The following CCSER1 variants were observed in gnomAD, a reference collection of about 807,000 sequenced individuals.
CCSER1 encodes the protein coiled-coil serine rich protein 1.
A neutral mutation model predicts 82.0 loss-of-function variants in CCSER1; 41 were observed. That is an observed-to-expected ratio of 0.50 (90% CI 0.39 to 0.65). The LOEUF (loss-of-function observed/expected upper bound fraction) is 0.65. Ranked by LOEUF, CCSER1 falls within the 30% of genes least tolerant of loss-of-function variation. The pLI is 0.00. For missense variants in CCSER1, 1,119 were observed against 1,064.2 expected, an observed-to-expected ratio of 1.05 and a Z score of -0.72; for synonymous variants, 414 against 383.9, an observed-to-expected ratio of 1.08 and a Z score of -0.92.
intron 10 of CCSER1, among the ~76,000 whole-genome samples, chr4:91,556,366 A>G (rs917173011): frequency 4.0e-5 from 6 of 150,968 alleles, no homozygotes; most frequent in African/African-American, 1.5e-4. Context: ...TTATTAATAA[A>G]CTTAAAGAAC....
At chr4:91,266,911 G>GT (rs1469623497) in intron 10 of CCSER1, among the ~76,000 whole-genome samples, 1 of 151,904 alleles carries the variant, frequency 6.6e-6, no homozygotes, top group Non-Finnish European at 1.5e-5. Context: ...TCAGTTTCAC[G>GT]TTTTTTTCCT....
intron 10 of CCSER1, among the ~76,000 whole-genome samples, chr4:91,215,519 C>T (rs907955488): frequency 1.3e-5 from 2 of 152,104 alleles, no homozygotes; most frequent in African/African-American, 4.8e-5. Flanking sequence ...AACTTGGAGT[C>T]CCATGTTCAA....
chr4:90,334,711 A>G (rs1740034938), intron 3 of CCSER1, among the ~76,000 whole-genome samples: 1 of 152,170 alleles, frequency 6.6e-6, no homozygotes, highest in African/African-American at 2.4e-5. Context: ...TATCAATTAA[A>G]TCTATTAGGG....
chr4:91,275,387 A>C (rs1742352929), intron 10 of CCSER1, among the ~76,000 whole-genome samples: 1 of 151,326 alleles, frequency 6.6e-6, no homozygotes, highest in Admixed American at 6.6e-5. Context: ...ATGATATTTC[A>C]ATTTGTTTTT....
intron 10 of CCSER1, among the ~76,000 whole-genome samples, chr4:91,154,300 C>A (rs1730575790): frequency 6.6e-6 from 1 of 152,026 alleles, no homozygotes; most frequent in Non-Finnish European, 1.5e-5. Flanking sequence ...GGGTGTGGGA[C>A]CCTCTGAGCC....
intron 1 of CCSER1, among the ~76,000 whole-genome samples, chr4:90,147,542 A>G (rs1726044540): frequency 6.6e-6 from 1 of 152,178 alleles, no homozygotes; most frequent in Non-Finnish European, 1.5e-5. Flanking sequence ...TAATTTGAAA[A>G]GATAATTTTG....
chr4:90,269,846 A>G (rs1171497874), intron 1 of CCSER1, among the ~76,000 whole-genome samples: 2 of 152,054 alleles, frequency 1.3e-5, no homozygotes, highest in Non-Finnish European at 2.9e-5. Context: ...GGGACATTAC[A>G]ATTGATACCG....
chr4:91,168,106 C>T (rs1215665261), intron 10 of CCSER1, among the ~76,000 whole-genome samples: 18 of 149,368 alleles, frequency 1.2e-4, no homozygotes, highest in South Asian at 2.1e-4. Flanking sequence ...CCAGCCCCCC[C>T]GTCTGGGAGG....
At chr4:90,985,434 C>CTG (rs1179597056) in intron 9 of CCSER1, among the ~76,000 whole-genome samples, 1 of 151,376 alleles carries the variant, frequency 6.6e-6, no homozygotes, top group Non-Finnish European at 1.5e-5. Flanking sequence ...GAAAACAAAA[C>CTG]TGTAAAGGGC....
At chr4:90,802,024 C>T (rs545805347) in intron 7 of CCSER1, among the ~76,000 whole-genome samples, 2 of 151,906 alleles carry the variant, frequency 1.3e-5, no homozygotes, top group East Asian at 1.9e-4. Flanking sequence ...TCAAGATCAA[C>T]CTGGCCAATA....
At chr4:91,257,464 T>A (rs1246595816) in intron 10 of CCSER1, among the ~76,000 whole-genome samples, 1 of 84,376 alleles carries the variant, frequency 1.2e-5, no homozygotes, top group Non-Finnish European at 2.3e-5. Flanking sequence ...AAAGTTGGAA[T>A]ACATACCTAC....
At chr4:91,298,516 T>C (rs1744400414) in intron 10 of CCSER1, among the ~76,000 whole-genome samples, 1 of 151,986 alleles carries the variant, frequency 6.6e-6, no homozygotes, top group Non-Finnish European at 1.5e-5. Context: ...TGCTGTACTC[T>C]GATGGCAAGG....
intron 10 of CCSER1, among the ~76,000 whole-genome samples, chr4:91,198,671 A>G (rs977232257): frequency 6.6e-6 from 1 of 152,176 alleles, no homozygotes; most frequent in African/African-American, 2.4e-5. Context: ...CAGGGGATAC[A>G]TATAGTACTA....
chr4:91,353,077 A>G (rs1378169889), intron 10 of CCSER1, among the ~76,000 whole-genome samples: 4 of 152,224 alleles, frequency 2.6e-5, no homozygotes, highest in Admixed American at 1.3e-4. Context: ...ACTGTAATCC[A>G]GACAGCAGGA....
At chr4:90,287,462 A>G (rs1440067411) in intron 1 of CCSER1, among the ~76,000 whole-genome samples, 1 of 151,822 alleles carries the variant, frequency 6.6e-6, no homozygotes, top group Non-Finnish European at 1.5e-5. Context: ...CTTTAGCAGG[A>G]TACAACATTG....
intron 5 of CCSER1, among the ~76,000 whole-genome samples, chr4:90,539,050 C>CTA (rs1775772642): frequency 6.6e-6 from 1 of 151,920 alleles, no homozygotes; most frequent in Non-Finnish European, 1.5e-5. Context: ...AGTATAATTT[C>CTA]TATCATAACT....
intron 9 of CCSER1, among the ~76,000 whole-genome samples, chr4:91,015,782 G>A (rs568300175): frequency 4.0e-5 from 6 of 151,848 alleles, no homozygotes; most frequent in Admixed American, 2.6e-4. Context: ...ATAACTAGAG[G>A]AAAACATTCA....
intron 8 of CCSER1, among the ~76,000 whole-genome samples, chr4:90,903,675 C>T (rs1349912308): frequency 6.6e-6 from 1 of 151,906 alleles, no homozygotes; most frequent in African/African-American, 2.4e-5. Flanking sequence ...AACAGATCTA[C>T]TTCAATACAA....
At chr4:91,081,577 A>G (rs1216328663) in intron 9 of CCSER1, among the ~76,000 whole-genome samples, 1 of 152,128 alleles carries the variant, frequency 6.6e-6, no homozygotes, top group Non-Finnish European at 1.5e-5. Context: ...ATCAGGCAAG[A>G]GAAAGAAATA....
Sources: gnomAD v4.1 joint callset for allele counts (sites outside exome capture counted in the v4.1 genomes callset) on GRCh38, gnomAD v4.1.1 for gene constraint, MANE v1.5 for transcripts, NCBI Gene and HGNC (gene_info 2026-07-23, HGNC 2026-07-21) for gene names.